Variants in TNKS1BP1 observed in about 807,000 individuals in gnomAD.
TNKS1BP1 encodes the protein CCR4-NOT transcription complex subunit 12, also known as 182 kDa tankyrase-1-binding protein.
TNKS1BP1 carries 48 observed loss-of-function variants against 141.1 expected under a neutral mutation model. The observed-to-expected ratio is 0.34, with a 90% CI of 0.27 to 0.43. The LOEUF (loss-of-function observed/expected upper bound fraction) is 0.43, where lower values mean the gene tolerates loss of function less well. Among genes scored for constraint, TNKS1BP1 ranks in the 20% least tolerant of loss-of-function variants. The pLI, the probability that TNKS1BP1 is intolerant of heterozygous loss-of-function variation, is 1.00. For missense variants in TNKS1BP1, 2,149 were observed against 2,226.0 expected (o/e 0.97, Z 0.70); for synonymous variants, 875 against 898.2 (o/e 0.97, Z 0.46).
At position 57,320,578 on chromosome 11, in the gene TNKS1BP1, A is replaced by C. The variant is rs778060044; in HGVS notation, c.229T>G (p.Ser77Ala). ...GCCAGCATGTTCATCTTCCTGGCAG[A>C]AGGCAACTCAGCCAGGGGACCCCGG... ...PPRGPLAELP[S>A]ARKMNMLAGP... The change falls in exon 3 of 12, where the codon TCT (serine) becomes GCT (alanine). Residue 77 changes from serine to alanine, a missense_variant. Physicochemically the swap from Ser to Ala is moderately conservative, Grantham distance 99 (BLOSUM62 1). Coordinates refer to ENST00000358252, the MANE Select transcript of TNKS1BP1 (RefSeq NM_033396.3). 7 of 1,614,098 alleles carry C rather than the reference A, an allele frequency of 4.3e-6. No individual in the cohort carries two copies. The highest frequency in any genetic ancestry group is 5.9e-6 in the Non-Finnish European group (7 of 1,180,004).
chr11:57,309,465 T>C lies in TNKS1BP1; in HGVS notation c.3246A>G (p.Gly1082=). Residue 1082 remains glycine, a synonymous_variant, in exon 6 of 12, where the codon GGA becomes GGG. Coordinates refer to ENST00000358252, the MANE Select transcript of TNKS1BP1 (RefSeq NM_033396.3). This position sits in a 1 kb window ranked among gnomAD's most constrained non-coding sequence, Gnocchi z 4.3. ...TAAACTCACCGACCCAGCCTCGCTT[T>C]CCCATCTCCCCATCTTCCAGGTCAG... ...GSADLEDGEM[G]KRGWVGEFSL... The C allele has an allele frequency of 1.9e-6, 3 of 1,614,014 alleles. No homozygotes were observed. Among genetic ancestry groups the C allele is most frequent in the Non-Finnish European group, 1.7e-6 (2 of 1,179,992 alleles).
Position 57,302,312 on chromosome 11 carries a change from C to T in TNKS1BP1, c.4684-88G>A. ...GTAGCTGACCAGGAGCTGGACCCCT[C>T]CTGCAGCCGGAGCTTCACGTTCACG... is the stretch of plus-strand genomic sequence containing the variant. On this transcript the variant is annotated intron_variant, in intron 7 of 11. Coordinates refer to ENST00000358252, the MANE Select transcript of TNKS1BP1 (RefSeq NM_033396.3). The surrounding 1 kb of genome is among the most constrained non-coding windows in gnomAD (Gnocchi z 5.5). 6.5e-7 allele frequency: 1 copy of T among 1,544,826 alleles called. No homozygotes were observed. The highest frequency in any genetic ancestry group is 8.7e-7 in the Non-Finnish European group (1 of 1,143,706).
At chr11:57,314,806 C>A (rs1353788344) in intron 4 of TNKS1BP1, among the ~76,000 whole-genome samples, 1 of 152,124 alleles carries the variant, frequency 6.6e-6, no homozygotes, top group Non-Finnish European at 1.5e-5. Context: ...ACTTCCCTGG[C>A]CGCCCTCTCC....
chr11:57,314,667 G>A (rs940463330), intron 4 of TNKS1BP1, among the ~76,000 whole-genome samples: 22 of 152,138 alleles, frequency 1.4e-4, no homozygotes, highest in African/African-American at 3.4e-4. Flanking sequence ...GGATGATGGC[G>A]GCAGAGAGTG....
At chr11:57,315,447 C>A (rs1855784288) in intron 4 of TNKS1BP1, among the ~76,000 whole-genome samples, 1 of 152,090 alleles carries the variant, frequency 6.6e-6, no homozygotes, top group Non-Finnish European at 1.5e-5. Flanking sequence ...TTAAATACAG[C>A]TCTCCAATAC....
rs753705878 is a variant in TNKS1BP1 at position 57,308,533 on chromosome 11, G to A, written c.4178C>T (p.Pro1393Leu). ...AACCCCCAGCTCCCTGGCCTCCAAG[G>A]GGTCTCTGGCCTCCAGGCCAGGAGA... The part of the protein sequence containing the change: ...SLSPGLEARD[P>L]LEARELGVGE... The change falls in exon 6 of 12, where the codon CCC becomes CTC. Residue 1393 changes from proline (P) to leucine (L), a missense_variant. Physicochemically the swap from Pro to Leu is moderately conservative, Grantham distance 98 (BLOSUM62 -3). Coordinates refer to ENST00000358252, the MANE Select transcript of TNKS1BP1 (RefSeq NM_033396.3). 1 of 1,614,004 alleles carries A rather than the reference G, an allele frequency of 6.2e-7. No homozygotes were observed. The highest frequency in any genetic ancestry group is 1.3e-5 in the African/African-American group (1 of 74,908).
intron 9 of TNKS1BP1, 25 bp from the exon 10 acceptor site, chr11:57,301,066 T>C (rs746430481): frequency 3.2e-5 from 50 of 1,587,126 alleles, no homozygotes; most frequent in South Asian, 1.7e-4. Context: ...CAGAAGCAGA[T>C]AGATAGTAGA....
In TNKS1BP1 at chr11:57,309,168, C is replaced by G; in HGVS notation, c.3543G>C (p.Ser1181=). The G allele has an allele frequency of 6.2e-7, 1 of 1,614,136 alleles. No individual in the cohort carries two copies. Among genetic ancestry groups the G allele is most frequent in the Non-Finnish European group, 8.5e-7 (1 of 1,180,026 alleles). ...CCACGGCACTCTCCCTGGCCTCGCT[C>G]GAGCCCCCAGAACCCACACAGCTGG... The part of the protein sequence containing the change: ...EVSSCVGSGG[S]SEARESAVGQ... Residue 1181 remains serine (S), a synonymous_variant, in exon 6 of 12, where the codon TCG becomes TCC. Transcript: ENST00000358252. The surrounding 1 kb of genome is among the most constrained non-coding windows in gnomAD (Gnocchi z 4.3).
chr11:57,313,906 G>A lies in TNKS1BP1; in HGVS notation c.799-17C>T, dbSNP rs1392066195. ...CTTGGAAATCTGCAAGAGAAAGAAA[G>A]GTCAAGATCCGTCACTCACCTCTCA... is the stretch of plus-strand genomic sequence containing the variant. On this transcript the variant is annotated splice_polypyrimidine_tract_variant and intron_variant, in intron 4 of 11. Transcript: ENST00000358252. 1.3e-6 allele frequency: 2 copies of A among 1,485,674 alleles called. No homozygotes were observed. Among genetic ancestry groups the A allele is most frequent in the Admixed American group, 2.6e-5 (1 of 38,568 alleles). 92.0% of individuals were successfully genotyped at this position (1,485,674 alleles called of 1,614,324 possible).
rs1379387083 is a variant in TNKS1BP1, at chr11:57,302,793, G to T, written c.4349C>A (p.Ser1450Tyr). Residue 1450 changes from serine (S) to tyrosine (Y), a missense_variant, in exon 7 of 12, where the codon TCC becomes TAC. Transcript: ENST00000358252. This position sits in a 1 kb window ranked among gnomAD's most constrained non-coding sequence, Gnocchi z 5.5. ...CTCCTCCAGCAGGCCCTGGGAGCCGGAGGGTGGGGGGCGGGCCGGGCACCT... is the reference window on the plus strand; with the variant it reads ...CTCCTCCAGCAGGCCCTGGGAGCCGTAGGGTGGGGGGCGGGCCGGGCACCT... ...PGRCPARPPP[S>Y]GSQGLLEEML... 1 of 1,552,532 alleles carries T rather than the reference G, an allele frequency of 6.4e-7. No individual in the cohort carries two copies. The highest frequency in any genetic ancestry group is 1.2e-5 in the South Asian group (1 of 85,092).
chr11:57,313,803 T>C lies in TNKS1BP1; in HGVS notation c.885A>G (p.Ser295=). The change falls in exon 5 of 12, where the codon TCA becomes TCG. Residue 295 remains serine, a synonymous_variant. Transcript: ENST00000358252. ...PASPGLPAEA[S]GSGPGSPHLH... ...GATGGGGAGAGCCAGGGCCTGAGCC[T>C]GAGGCTTCTGCGGGGAGGCCTGGGC... is the stretch of plus-strand genomic sequence containing the variant. 6.3e-7 allele frequency: 1 copy of C among 1,575,414 alleles called. No homozygotes were observed. Among genetic ancestry groups the C allele is most frequent in the Non-Finnish European group, 8.6e-7 (1 of 1,163,260 alleles).
At chr11:57,318,492 C>T (rs745794189) in intron 3 of TNKS1BP1, among the ~76,000 whole-genome samples, 19 of 152,204 alleles carry the variant, frequency 1.2e-4, no homozygotes, top group Non-Finnish European at 2.4e-4. Context: ...AGGGCAAGGC[C>T]AGAGGGCAGG....
Position 57,313,030 on chromosome 11 carries a change from G to A in TNKS1BP1, c.1658C>T (p.Thr553Ile). The change falls in exon 5 of 12, where the codon ACC becomes ATC. Residue 553 changes from threonine (T) to isoleucine (I), a missense_variant. Transcript: ENST00000358252. ...VQGDDPSMSL[T>I]QKGDGESQPQ... is the part of the protein sequence containing the mutation. ...TTGACTCTCCCCATCGCCCTTCTGGGTGAGGGACATGCTTGGATCATCCCC... is the reference window on the plus strand; with the variant it reads ...TTGACTCTCCCCATCGCCCTTCTGGATGAGGGACATGCTTGGATCATCCCC... 6.2e-7 allele frequency: 1 copy of A among 1,613,936 alleles called. No individual in the cohort carries two copies. Among genetic ancestry groups the A allele is most frequent in the South Asian group, 1.1e-5 (1 of 91,074 alleles).
chr11:57,317,184 T>C (rs957398030), intron 4 of TNKS1BP1, among the ~76,000 whole-genome samples: 2 of 152,200 alleles, frequency 1.3e-5, no homozygotes, highest in African/African-American at 4.8e-5. Context: ...TAACAGGCGC[T>C]CAGTCACTGC....
At chr11:57,321,702 C>T in intron 2 of TNKS1BP1, 90 bp downstream of exon 2, 1 of 1,471,780 alleles carries the variant, frequency 6.8e-7, no homozygotes, top group East Asian at 2.4e-5. Context: ...AATCATCACT[C>T]AACCACCCCC....
At chr11:57,315,328 A>G (rs1855781701) in intron 4 of TNKS1BP1, among the ~76,000 whole-genome samples, 2 of 148,886 alleles carry the variant, frequency 1.3e-5, no homozygotes, top group Non-Finnish European at 3.0e-5. Flanking sequence ...ATTCTTTCTC[A>G]TTGTCCCCCA....
rs1855731649 is a variant in TNKS1BP1 at position 57,312,705 on chromosome 11, G to A, written c.1983C>T (p.Ala661=). 6 of 1,574,514 alleles carry A rather than the reference G, an allele frequency of 3.8e-6. No homozygotes were observed. The highest frequency in any genetic ancestry group is 1.7e-6 in the Non-Finnish European group (2 of 1,159,394). The change falls in exon 5 of 12, where the codon GCC becomes GCT. Residue 661 remains alanine, a synonymous_variant. Transcript: ENST00000358252. ...VTLARAETTQ[A]RTEAQDLCRA... ...TACACAAGTCTTGAGCCTCTGTCCT[G>A]GCTTGGGTGGTCTCAGCCCGGGCTA...
At chr11:57,311,234 T>C in intron 5 of TNKS1BP1, 1 of 984,974 alleles carries the variant, frequency 1.0e-6, no homozygotes, top group African/African-American at 1.7e-5. Context: ...GCTCCCTGAC[T>C]CACCCTTGTG....
At chr11:57,322,071 T>TGGGGGGGGGGGGG (rs5792037) in intron 1 of TNKS1BP1, 121 bp from the exon 2 acceptor site, 1 of 318,560 alleles carries the variant, frequency 3.1e-6, no homozygotes, top group African/African-American at 2.7e-5. Flanking sequence ...GAACTTGGAG[T>TGGGGGGGGGGGGG]GGGGGGGGGG....
Sources: allele counts gnomAD v4.1 joint callset (sites outside exome capture counted in the v4.1 genomes callset), GRCh38; gene constraint gnomAD v4.1.1; non-coding constraint Gnocchi (gnomAD v3.1); transcripts MANE v1.5; gene names NCBI Gene and HGNC (gene_info 2026-07-23, HGNC 2026-07-21).